The following KCNH8 variants were observed in gnomAD, a reference collection of about 807,000 sequenced individuals.
KCNH8 encodes potassium voltage-gated channel subfamily H member 8, also known as voltage-gated delayed rectifier potassium channel KCNH8.
Under a neutral mutation model 103.6 loss-of-function variants are expected in KCNH8, and 70 were observed. The observed-to-expected ratio is 0.68, with a 90% CI of 0.56 to 0.82. The LOEUF (loss-of-function observed/expected upper bound fraction) is 0.82. Ranked by LOEUF, KCNH8 falls within the 40% of genes least tolerant of loss-of-function variation. The probability of loss-of-function intolerance (pLI) is 0.00; values close to 1 mark genes in which losing one functional copy is unlikely to be tolerated. For synonymous variants in KCNH8, 498 were observed against 489.4 expected, an observed-to-expected ratio of 1.02 and a Z score of -0.23; for missense variants, 1,217 against 1,329.9, an observed-to-expected ratio of 0.92 and a Z score of 1.32.
chr3:19,520,365 G>A (rs956797001), intron 15 of KCNH8, among the ~76,000 whole-genome samples: 1 of 151,814 alleles, frequency 6.6e-6, no homozygotes, highest in Non-Finnish European at 1.5e-5. Flanking sequence ...TTTATTCTTC[G>A]TCGAAGATTA....
At chr3:19,309,493 A>G (rs2065182419) in intron 3 of KCNH8, among the ~76,000 whole-genome samples, 1 of 151,988 alleles carries the variant, frequency 6.6e-6, no homozygotes, top group Non-Finnish European at 1.5e-5. Flanking sequence ...AGCAGTCACC[A>G]AACATCTAGA....
intron 5 of KCNH8, among the ~76,000 whole-genome samples, chr3:19,387,283 T>G (rs764945567): frequency 5.3e-5 from 8 of 152,288 alleles, no homozygotes; most frequent in Non-Finnish European, 1.0e-4. Context: ...CACTGACCTA[T>G]TGTTATTTCC....
Position 19,253,648 on chromosome 3 carries a change from C to T in KCNH8, c.77-6C>T. On this transcript the variant is annotated splice_polypyrimidine_tract_variant and splice_region_variant and intron_variant, in intron 1 of 15. Transcript: ENST00000328405. Reference sequence around the variant, plus strand: ...TGCTGAGTATCTTCTCCTTGTTTTTCTATAGATAGCAACTTCATCCTTGCC... The same window carrying T: ...TGCTGAGTATCTTCTCCTTGTTTTTTTATAGATAGCAACTTCATCCTTGCC... 1 of 1,601,274 alleles carries T rather than the reference C, an allele frequency of 6.2e-7. No individual in the cohort carries two copies. The highest frequency in any genetic ancestry group is 1.1e-5 in the South Asian group (1 of 90,642).
intron 8 of KCNH8, chr3:19,448,823 T>C (rs2067400616): frequency 2.8e-6 from 1 of 356,578 alleles, no homozygotes; most frequent in Admixed American, 2.8e-5. Flanking sequence ...TCATACTTCA[T>C]TCCTAATCCT....
At chr3:19,370,721 C>G (rs1012762647) in intron 5 of KCNH8, among the ~76,000 whole-genome samples, 3 of 151,992 alleles carry the variant, frequency 2.0e-5, no homozygotes, top group African/African-American at 7.3e-5. Flanking sequence ...AACTCATCAT[C>G]TAGCATTAGG....
chr3:19,283,906 C>T (rs1413159051), intron 3 of KCNH8, among the ~76,000 whole-genome samples: 1 of 145,132 alleles, frequency 6.9e-6, no homozygotes, highest in African/African-American at 2.6e-5. Flanking sequence ...TTCACTCCTG[C>T]ACTCTAGCCT....
At chr3:19,288,739 T>C (rs1006851620) in intron 3 of KCNH8, among the ~76,000 whole-genome samples, 2 of 152,214 alleles carry the variant, frequency 1.3e-5, no homozygotes, top group East Asian at 3.8e-4. Context: ...CCTTTGGTTA[T>C]ATACCCAGTA....
chr3:19,313,151 G>A (rs1296274741), intron 3 of KCNH8, among the ~76,000 whole-genome samples: 1 of 151,904 alleles, frequency 6.6e-6, no homozygotes, highest in African/African-American at 2.4e-5. Flanking sequence ...AAGGAGTTTG[G>A]TCTTTATTCT....
Position 19,433,225 on chromosome 3 carries a change from T to TATATATACTGTCAC in KCNH8, c.1178-4938_1178-4937insTATATACTGTCACA, listed in dbSNP as rs1258661644. Among the ~76,000 whole-genome samples the TATATATACTGTCAC allele has an allele frequency of 4.6e-5, 7 of 152,318 alleles. No individual in the cohort carries two copies. In the East Asian group the frequency reaches 7.7e-4, roughly 17 times the overall value. ...TACAAGTGGCACATTTTTGTGACAG[T>TATATATACTGTCAC]ACTAACAGTATATAATATTGCTTGC... On this transcript the variant is annotated intron_variant, in intron 7 of 15. Coordinates refer to ENST00000328405, the MANE Select transcript of KCNH8 (RefSeq NM_144633.3).
chr3:19,291,605 G>A (rs1157573643), intron 3 of KCNH8, among the ~76,000 whole-genome samples: 9 of 152,200 alleles, frequency 5.9e-5, no homozygotes, highest in Non-Finnish European at 1.0e-4. Context: ...TGTGGTCTGA[G>A]AGACAGTTTG....
At position 19,169,383 on chromosome 3, in the gene KCNH8, C is replaced by T. The variant is rs1559406149; in HGVS notation, c.76+20588C>T. The stretch of plus-strand genomic sequence containing the variant: ...ACGCCATTCTCCTGCTTCAGCCTCC[C>T]GAGTACCTGGGACTACAGGCGCCTG... On this transcript the variant is annotated intron_variant, in intron 1 of 15. Coordinates refer to ENST00000328405, the MANE Select transcript of KCNH8 (RefSeq NM_144633.3). Among the ~76,000 whole-genome samples, 6 of 151,934 alleles carry T rather than the reference C, an allele frequency of 3.9e-5. No individual in the cohort carries two copies. In the South Asian group the frequency reaches 1.2e-3, roughly 32 times the overall value.
At chr3:19,472,014 T>G (rs2067868448) in intron 11 of KCNH8, among the ~76,000 whole-genome samples, 2 of 152,208 alleles carry the variant, frequency 1.3e-5, no homozygotes, top group Admixed American at 6.5e-5. Flanking sequence ...ATTAGAAAGT[T>G]TTTTAAAAAT....
chr3:19,413,745 TG>T (rs1182570193), intron 7 of KCNH8, among the ~76,000 whole-genome samples: 1 of 152,048 alleles, frequency 6.6e-6, no homozygotes, highest in Non-Finnish European at 1.5e-5. Flanking sequence ...CCAGTCAGTC[TG>T]TGGTATTTGT....
chr3:19,424,910 A>C (rs2067005066), intron 7 of KCNH8, among the ~76,000 whole-genome samples: 1 of 152,166 alleles, frequency 6.6e-6, no homozygotes, highest in Non-Finnish European at 1.5e-5. Context: ...TTTCAAAATA[A>C]AGTTGAACGA....
In KCNH8 at chr3:19,371,946, G is replaced by C. The variant is rs1284196381; in HGVS notation, c.812-18535G>C. On this transcript the variant is annotated intron_variant, in intron 5 of 15. Transcript: ENST00000328405. ...TAGATATGTGGCGTTATTTCTGAGG[G>C]CTCTGTTCTGTTCCATTGATCTATA... 3.3e-5 allele frequency among the ~76,000 whole-genome samples: 5 copies of C among 150,616 alleles called. No homozygotes were observed. In the East Asian group the frequency reaches 9.9e-4, roughly 30 times the overall value.
In KCNH8 at chr3:19,534,144, C is replaced by A; in HGVS notation, c.*45C>A. 7.0e-7 allele frequency: 1 copy of A among 1,432,458 alleles called. No individual in the cohort carries two copies. Among genetic ancestry groups the A allele is most frequent in the Non-Finnish European group, 9.7e-7 (1 of 1,034,066 alleles). 88.7% of individuals were successfully genotyped at this position (1,432,458 alleles called of 1,614,324 possible). A position where few individuals can be genotyped will look rare whatever the true frequency, so the allele number is the denominator to read the frequency against. ...GCAGCTAATTTCAAACCTACCACTG[C>A]ATGACAGTTTTAGTTTGCCTTTTTG... On this transcript the variant is annotated 3_prime_UTR_variant, in exon 16 of 16. Transcript: ENST00000328405.
intron 5 of KCNH8, among the ~76,000 whole-genome samples, chr3:19,358,140 C>T (rs746962426): frequency 6.6e-5 from 10 of 151,020 alleles, no homozygotes; most frequent in Admixed American, 1.3e-4. Flanking sequence ...AAATACTGGC[C>T]GGCCTTCCTT....
intron 11 of KCNH8, among the ~76,000 whole-genome samples, chr3:19,496,898 A>G (rs2068454026): frequency 6.6e-6 from 1 of 152,026 alleles, no homozygotes; most frequent in South Asian, 2.1e-4. Context: ...CAGGGATTTA[A>G]TTTCCTCCTG....
At chr3:19,385,278 T>C (rs898769909) in intron 5 of KCNH8, among the ~76,000 whole-genome samples, 1 of 152,130 alleles carries the variant, frequency 6.6e-6, no homozygotes, top group African/African-American at 2.4e-5. Flanking sequence ...ATAAATTATA[T>C]GAATGTATTA....
Sources: gnomAD v4.1 joint callset for allele counts (sites outside exome capture counted in the v4.1 genomes callset) on GRCh38, gnomAD v4.1.1 for gene constraint, MANE v1.5 for transcripts, NCBI Gene and HGNC (gene_info 2026-07-23, HGNC 2026-07-21) for gene names.